TM6SF2: variants seen among roughly 807,000 people sequenced by gnomAD.
The protein encoded by TM6SF2 is transmembrane 6 superfamily member 2.
Under a neutral mutation model 41.0 loss-of-function variants are expected in TM6SF2, and 29 were observed. The ratio of observed to expected loss-of-function variants is 0.71; its 90% CI spans 0.53 to 0.96. The LOEUF is 0.96. TM6SF2 is among the 50% of genes least tolerant of loss of function. TM6SF2 has a pLI of 0.00. For synonymous variants in TM6SF2, 200 were observed against 209.1 expected (o/e 0.96, Z 0.37); for missense variants, 475 against 499.0 (o/e 0.95, Z 0.46).
rs760093123 is a variant in TM6SF2, at chr19:19,266,568, C to G, written c.846G>C (p.Leu282=). 1.9e-6 allele frequency: 3 copies of G among 1,613,906 alleles called. No homozygotes were observed. Among genetic ancestry groups the G allele is most frequent in the Admixed American group, 3.3e-5 (2 of 59,994 alleles). ...CAGGGAAGGTGAGAGCATAGGCAGCCAGGCCGCAGAAAGGCAGGACATAAA... is the reference window on the plus strand; with the variant it reads ...CAGGGAAGGTGAGAGCATAGGCAGCGAGGCCGCAGAAAGGCAGGACATAAA... ...YMFYVLPFCG[L]AAYALTFPGC... The change falls in exon 9 of 10, where the codon CTG becomes CTC. Residue 282 remains leucine (L), a synonymous_variant. Coordinates refer to ENST00000389363, the MANE Select transcript of TM6SF2 (RefSeq NM_001001524.3).
At position 19,270,330 on chromosome 19, in the gene TM6SF2, T is replaced by C. The variant is rs2061018903; in HGVS notation, c.297+15A>G. On this transcript the variant is annotated intron_variant, in intron 3 of 9. Transcript: ENST00000389363. ...GGCAGTGCGGTAGGGGGCTCCCTGG[T>C]CGTCCCCCAAGTACCTCCTTGGTGT... 2.5e-6 allele frequency: 4 copies of C among 1,613,962 alleles called. No individual in the cohort carries two copies. The African/African-American group carries it at 5.3e-5, about 22-fold the overall frequency.
At chr19:19,267,931 T>A in intron 7 of TM6SF2, 55 bp downstream of exon 7, 1 of 1,393,224 alleles carries the variant, frequency 7.2e-7, no homozygotes, top group Non-Finnish European at 1.0e-6. Flanking sequence ...GAGAGGTGGG[T>A]CAGGGAAGGG....
Position 19,264,691 on chromosome 19 carries a change from G to C in TM6SF2, c.1107C>G (p.Pro369=), listed in dbSNP as rs2060996298. ...AFFHQPPPSD[P]LALHKKQH ...AATGCTGCTTCTTGTGGAGGGCTAG[G>C]GGGTCGGAGGGTGGTGGCTGGTGGA... Residue 369 remains proline, a synonymous_variant, in exon 10 of 10, where the codon CCC becomes CCG. Coordinates refer to ENST00000389363, the MANE Select transcript of TM6SF2 (RefSeq NM_001001524.3). 1 of 1,565,578 alleles carries C rather than the reference G, an allele frequency of 6.4e-7. No homozygotes were observed. The highest frequency in any genetic ancestry group is 8.7e-7 in the Non-Finnish European group (1 of 1,154,150).
chr19:19,271,692 G>A (rs1316418126), intron 1 of TM6SF2, among the ~76,000 whole-genome samples: 4 of 151,816 alleles, frequency 2.6e-5, no homozygotes, highest in Admixed American at 6.6e-5. Context: ...CACCACACCC[G>A]GCTAATTTTT....
In TM6SF2 at chr19:19,266,573, C is replaced by T. The variant is rs1488530469; in HGVS notation, c.841G>A (p.Gly281Ser). 6.2e-6 allele frequency: 10 copies of T among 1,613,796 alleles called. No individual in the cohort carries two copies. The highest frequency in any genetic ancestry group is 1.6e-4 in the Middle Eastern group (1 of 6,084). The change falls in exon 9 of 10, where the codon GGC becomes AGC. Residue 281 changes from glycine to serine, a missense_variant. Physicochemically the swap from Gly to Ser is moderately conservative, Grantham distance 56. Transcript: ENST00000389363. Reference sequence around the variant, plus strand: ...AAGGTGAGAGCATAGGCAGCCAGGCCGCAGAAAGGCAGGACATAAAACATG... The same window carrying T: ...AAGGTGAGAGCATAGGCAGCCAGGCTGCAGAAAGGCAGGACATAAAACATG... ...MYMFYVLPFCGLAAYALTFPG... is the reference protein window; with the variant it reads ...MYMFYVLPFCSLAAYALTFPG...
At chr19:19,273,058 T>TCCAGGCCCCCCCCCCCCCCCCCCCCCCC in intron 1 of TM6SF2, 63 bp downstream of exon 1, 1 of 470,242 alleles carries the variant, frequency 2.1e-6, no homozygotes, top group Non-Finnish European at 3.8e-6. Flanking sequence ...CCACCTCCAG[T>TCCAGGCCCCCCCCCCCCCCCCCCCCCCC]CCTCCCCGCC....
chr19:19,273,082 A>T, intron 1 of TM6SF2, 39 bp downstream of exon 1: 1 of 200,676 alleles, frequency 5.0e-6, no homozygotes, highest in Non-Finnish European at 7.7e-6. Context: ...GCCCGCCCCC[A>T]CTGTCCCCAA....
Position 19,268,084 on chromosome 19 carries a change from G to A in TM6SF2, c.613C>T (p.Gln205Ter), listed in dbSNP as rs1484479392. The A allele has an allele frequency of 6.2e-7, 1 of 1,612,890 alleles. No homozygotes were observed. The highest frequency in any genetic ancestry group is 8.5e-7 in the Non-Finnish European group (1 of 1,179,156). The change falls in exon 7 of 10, where the codon CAA becomes TAA. Residue 205 changes from glutamine (Q) to a stop codon, truncating the protein, a stop_gained. Transcript: ENST00000389363. LOFTEE classifies it high-confidence loss of function. Reference protein sequence around the residue: ...ALTRCTANMVQEEQRKGLLQR... With the variant: ...ALTRCTANMV ...AGGAGTCCCTTTCTTTGTTCCTCTT[G>A]CACCTGGCCCAGGGGAGAGAAACAG...
chr19:19,272,321 G>C (rs2061026756), intron 1 of TM6SF2, among the ~76,000 whole-genome samples: 2 of 152,182 alleles, frequency 1.3e-5, no homozygotes, highest in African/African-American at 4.8e-5. Context: ...TTTGTACACA[G>C]TTTATAATCC....
intron 9 of TM6SF2, among the ~76,000 whole-genome samples, chr19:19,265,526 C>T (rs945907716): frequency 1.3e-5 from 2 of 152,176 alleles, no homozygotes; most frequent in East Asian, 3.9e-4. Flanking sequence ...TCAAGTGATC[C>T]TCCAATCTCA....
At position 19,268,758 on chromosome 19, in the gene TM6SF2, C is replaced by T. The variant is rs375598960; in HGVS notation, c.485-4G>A. 1.4e-5 allele frequency: 22 copies of T among 1,599,726 alleles called. No homozygotes were observed. The African/African-American group carries it at 1.9e-4, about 14-fold the overall frequency. ...CTGATCTCGGAGCTGTATTTGCCTT[C>T]CATGGTGCAGGAGAGAGGGCATCAG... is the stretch of plus-strand genomic sequence containing the variant. On this transcript the variant is annotated splice_polypyrimidine_tract_variant and splice_region_variant and intron_variant, in intron 5 of 9. Coordinates refer to ENST00000389363, the MANE Select transcript of TM6SF2 (RefSeq NM_001001524.3).
rs929175975 is a variant in TM6SF2, at chr19:19,273,159, C to A, written c.57G>T (p.Pro19=). Residue 19 remains proline, a synonymous_variant, in exon 1 of 10, where the codon CCG becomes CCT. Coordinates refer to ENST00000389363, the MANE Select transcript of TM6SF2 (RefSeq NM_001001524.3). The part of the protein sequence containing the change: ...KIAALSLSAL[P]VSYALNHVSA... The stretch of plus-strand genomic sequence containing the variant: ...AGACGTGGTTGAGCGCGTAGGACAC[C>A]GGGAGGGCGCTCAGCGACAGCGCCG... The A allele has an allele frequency of 6.7e-7, 1 of 1,483,916 alleles. No individual in the cohort carries two copies. The highest frequency in any genetic ancestry group is 1.3e-5 in the South Asian group (1 of 77,850). 91.9% of individuals were successfully genotyped at this position (1,483,916 alleles called of 1,614,324 possible).
chr19:19,271,039 T>C lies in TM6SF2; in HGVS notation c.182A>G (p.Tyr61Cys), dbSNP rs755563542. The C allele has an allele frequency of 4.3e-6, 7 of 1,614,078 alleles. No homozygotes were observed. Among genetic ancestry groups the C allele is most frequent in the African/African-American group, 2.7e-5 (2 of 75,044 alleles). The change falls in exon 2 of 10, where the codon TAT (tyrosine) becomes TGT (cysteine). Residue 61 changes from tyrosine (Y) to cysteine (C), a missense_variant. Coordinates refer to ENST00000389363, the MANE Select transcript of TM6SF2 (RefSeq NM_001001524.3). ...TGACTCACCAGCATAGAGTGGGTCA[T>C]AGGAGACCTCGCCATGGGACAAGCT... ...VYSLSHGEVS[Y>C]DPLYAVFAVF...
intron 7 of TM6SF2, 112 bp from the exon 8 acceptor site, chr19:19,267,825 T>C: frequency 8.6e-7 from 1 of 1,164,398 alleles, no homozygotes; most frequent in Non-Finnish European, 1.2e-6. Flanking sequence ...CAGCTCAAGT[T>C]GGGCTGGCTG....
intron 1 of TM6SF2, among the ~76,000 whole-genome samples, chr19:19,272,900 G>A (rs1183164326): frequency 6.6e-6 from 1 of 152,080 alleles, no homozygotes; most frequent in African/African-American, 2.4e-5. Context: ...AGGAGCGGCC[G>A]CATCCCAGCC....
Position 19,271,137 on chromosome 19 carries a change from G to A in TM6SF2, c.96-12C>T. 6.2e-7 allele frequency: 1 copy of A among 1,612,034 alleles called. No individual in the cohort carries two copies. The highest frequency in any genetic ancestry group is 8.5e-7 in the Non-Finnish European group (1 of 1,178,114). On this transcript the variant is annotated splice_polypyrimidine_tract_variant and intron_variant, in intron 1 of 9. Coordinates refer to ENST00000389363, the MANE Select transcript of TM6SF2 (RefSeq NM_001001524.3). The stretch of plus-strand genomic sequence containing the variant: ...CCACCCACAGGGGGCTGTGGAGAGG[G>A]AAGCCAAGTCAGGGAGGCCAGGCCC...
chr19:19,270,133 C>T, intron 4 of TM6SF2, 40 bp downstream of exon 4: 5 of 1,612,052 alleles, frequency 3.1e-6, no homozygotes, highest in Non-Finnish European at 4.2e-6. Context: ...TGCAACTTCT[C>T]TCCCAGGGTC....
In TM6SF2 at chr19:19,269,762, A is replaced by G; in HGVS notation, c.409T>C (p.Tyr137His). Residue 137 changes from tyrosine to histidine, a missense_variant, in exon 5 of 10, where the codon TAC becomes CAC. Coordinates refer to ENST00000389363, the MANE Select transcript of TM6SF2 (RefSeq NM_001001524.3). The part of the protein sequence containing the change: ...MAGAICRRKR[Y>H]RNFGLYWLGS... ...AGCCAGTAGAGTCCAAAATTCCGGT[A>G]TCTCTTCCTGAGCAGGGGATGGAGG... 2 of 1,614,116 alleles carry G rather than the reference A, an allele frequency of 1.2e-6. No individual in the cohort carries two copies. The highest frequency in any genetic ancestry group is 1.7e-6 in the Non-Finnish European group (2 of 1,179,982).
Position 19,271,143 on chromosome 19 carries a change from A to T in TM6SF2, c.96-18T>A, listed in dbSNP as rs1018216474. The T allele has an allele frequency of 1.9e-6, 3 of 1,606,626 alleles. No individual in the cohort carries two copies. In the African/African-American group the frequency reaches 4.0e-5, roughly 21 times the overall value. On this transcript the variant is annotated intron_variant, in intron 1 of 9. Transcript: ENST00000389363. ...ACAGGGGGCTGTGGAGAGGGAAGCC[A>T]AGTCAGGGAGGCCAGGCCCAGTGCT...
Sources: gnomAD v4.1 joint callset for allele counts (sites outside exome capture counted in the v4.1 genomes callset) on GRCh38, gnomAD v4.1.1 for gene constraint, MANE v1.5 for transcripts, NCBI Gene and HGNC (gene_info 2026-07-23, HGNC 2026-07-21) for gene names.